MAGOHB: variants seen among roughly 807,000 people sequenced by gnomAD.
The protein encoded by MAGOHB is mago homolog B, exon junction complex subunit, also known as protein mago nashi homolog 2.
Under a neutral mutation model 20.9 loss-of-function variants are expected in MAGOHB, and 15 were observed. The observed-to-expected ratio is 0.72, with a 90% CI of 0.48 to 1.11. The LOEUF is 1.11. Among genes scored for constraint, MAGOHB ranks in the 50% least tolerant of loss-of-function variants. The pLI, the probability that MAGOHB is intolerant of heterozygous loss-of-function variation, is 0.00. For missense variants in MAGOHB, 162 were observed against 177.6 expected, an observed-to-expected ratio of 0.91 and a Z score of 0.50; for synonymous variants, 50 against 57.9, an observed-to-expected ratio of 0.86 and a Z score of 0.62.
At chr12:10,610,764 C>T in intron 1 of MAGOHB, 84 bp from the exon 2 acceptor site, 1 of 1,176,296 alleles carries the variant, frequency 8.5e-7, no homozygotes, top group Non-Finnish European at 1.2e-6. Context: ...AAGGTAAAGA[C>T]CATTTTATAC....
chr12:10,612,943 T>A, intron 1 of MAGOHB: 1 of 1,289,226 alleles, frequency 7.8e-7, no homozygotes, highest in Non-Finnish European at 1.0e-6. Context: ...TGTGGAACTT[T>A]ACCTCTCCCC....
At position 10,612,740 on chromosome 12, in the gene MAGOHB, G is replaced by C; in HGVS notation, c.94+699C>G. 3 of 1,183,406 alleles carry C rather than the reference G, an allele frequency of 2.5e-6. 1 individual carries two copies. The South Asian group carries it at 4.8e-5, about 19-fold the overall frequency. 73.3% of individuals were successfully genotyped at this position (1,183,406 alleles called of 1,614,324 possible). A position where few individuals can be genotyped will look rare whatever the true frequency, so the allele number is the denominator to read the frequency against. On this transcript the variant is annotated intron_variant, in intron 1 of 4. Transcript: ENST00000320756. Reference sequence around the variant, plus strand: ...GAACTTTCTTGTTGCAGGTAGGCAAGATCAATGTAACATTCTCTAAGGATA... The same window carrying C: ...GAACTTTCTTGTTGCAGGTAGGCAACATCAATGTAACATTCTCTAAGGATA...
Position 10,606,106 on chromosome 12 carries a change from G to A in MAGOHB, c.*169C>T. On this transcript the variant is annotated 3_prime_UTR_variant, in exon 5 of 5. Coordinates refer to ENST00000320756, the MANE Select transcript of MAGOHB (RefSeq NM_018048.5). ...TGTGTGGGGACTGTCCAACCCATAT[G>A]GACTCAAGTAAGGATAACCATTAAG... 1 of 475,188 alleles carries A rather than the reference G, an allele frequency of 2.1e-6. No individual in the cohort carries two copies. The allele number at this position is 475,188 out of a possible 1,614,324, so 29.4% of individuals were successfully genotyped here.
rs1456422200 is a variant in MAGOHB, at chr12:10,613,489, T to G, written c.44A>C (p.His15Pro). The G allele has an allele frequency of 6.2e-7, 1 of 1,614,050 alleles. No homozygotes were observed. Among genetic ancestry groups the G allele is most frequent in the Non-Finnish European group, 8.5e-7 (1 of 1,180,036 alleles). The stretch of plus-strand genomic sequence containing the variant: ...AAACTCGTGCCCAAACTTGCCCTTG[T>G]GCCCTACGTAGTAGCGCAGGTAGAA... ...SDFYLRYYVG[H>P]KGKFGHEFLE... The change falls in exon 1 of 5, where the codon CAC (histidine) becomes CCC (proline). Residue 15 changes from histidine (H) to proline (P), a missense_variant. Coordinates refer to ENST00000320756, the MANE Select transcript of MAGOHB (RefSeq NM_018048.5).
chr12:10,608,713 C>CTA (rs757243146), intron 3 of MAGOHB: 1 of 151,544 alleles, frequency 6.6e-6, no homozygotes, highest in African/African-American at 2.4e-5. Flanking sequence ...AATTAAAAAG[C>CTA]TATATCTGTA....
In MAGOHB at chr12:10,604,276, T is replaced by C. The variant is rs1055386857; in HGVS notation, c.*1999A>G. On this transcript the variant is annotated 3_prime_UTR_variant, in exon 5 of 5. Transcript: ENST00000320756. ...ATAAAAATCTAGTTTCATATAAAAC[T>C]AGTATTATACAAAATTCAGTTTCTA... 1.3e-5 allele frequency: 2 copies of C among 152,212 alleles called. No homozygotes were observed. Among genetic ancestry groups the C allele is most frequent in the African/African-American group, 2.4e-5 (1 of 41,446 alleles). The allele number at this position is 152,212 out of a possible 1,614,324, so 9.4% of individuals were successfully genotyped here. A position where few individuals can be genotyped will look rare whatever the true frequency, so the allele number is the denominator to read the frequency against.
At chr12:10,610,826 ATGTAGAC>A in intron 1 of MAGOHB, 146 bp from the exon 2 acceptor site, 1 of 53,516 alleles carries the variant, frequency 1.9e-5, no homozygotes, top group Non-Finnish European at 3.4e-5. Flanking sequence ...ATTGCTAGAC[ATGTAGAC>A]AATAAATGTT....
rs556727469 is a variant in MAGOHB, at chr12:10,604,834, A to G, written c.*1441T>C. The G allele has an allele frequency of 2.6e-5, 4 of 152,194 alleles. No individual in the cohort carries two copies. The highest frequency in any genetic ancestry group is 5.9e-5 in the Non-Finnish European group (4 of 68,034). The allele number at this position is 152,194 out of a possible 1,614,324, so 9.4% of individuals were successfully genotyped here. A position where few individuals can be genotyped will look rare whatever the true frequency, so the allele number is the denominator to read the frequency against. On this transcript the variant is annotated 3_prime_UTR_variant, in exon 5 of 5. Coordinates refer to ENST00000320756, the MANE Select transcript of MAGOHB (RefSeq NM_018048.5). Reference sequence around the variant, plus strand: ...CAATGGGCATGCATTTTGAGGAGTGAAAAGGACCATCTAGTGCTCCATGGC... The same window carrying G: ...CAATGGGCATGCATTTTGAGGAGTGGAAAGGACCATCTAGTGCTCCATGGC...
chr12:10,613,517 C>G lies in MAGOHB; in HGVS notation c.16G>C (p.Asp6His). ...CCTACGTAGTAGCGCAGGTAGAAATCGCTAGCCACAGCCATTTTTGTACCC... is the reference window on the plus strand; with the variant it reads ...CCTACGTAGTAGCGCAGGTAGAAATGGCTAGCCACAGCCATTTTTGTACCC... MAVAS[D>H]FYLRYYVGHK... Residue 6 changes from aspartate (D) to histidine (H), a missense_variant, in exon 1 of 5, where the codon GAT becomes CAT. Asp to His is a moderately conservative substitution (Grantham distance 81). Transcript: ENST00000320756. 1 of 1,613,912 alleles carries G rather than the reference C, an allele frequency of 6.2e-7. No individual in the cohort carries two copies. Among genetic ancestry groups the G allele is most frequent in the South Asian group, 1.1e-5 (1 of 91,078 alleles).
chr12:10,612,715 G>T (rs1424514686), intron 1 of MAGOHB: 1 of 1,160,204 alleles, frequency 8.6e-7, no homozygotes, highest in Non-Finnish European at 1.1e-6. Flanking sequence ...ATATCCAAAT[G>T]AACTTTCTTG....
At chr12:10,609,965 G>C in intron 2 of MAGOHB, 24 bp from the exon 3 acceptor site, 1 of 1,360,256 alleles carries the variant, frequency 7.4e-7, no homozygotes, top group Non-Finnish European at 1.0e-6. Context: ...ATAATAAAAT[G>C]AGATAATGCC....
intron 1 of MAGOHB, among the ~76,000 whole-genome samples, chr12:10,611,761 A>AG (rs1865744416): frequency 6.7e-6 from 1 of 148,978 alleles, no homozygotes; most frequent in East Asian, 1.9e-4. Context: ...AAAAAAAAAA[A>AG]AAAAAAAAAA....
At chr12:10,601,106 A>C (rs1311085222), downstream of MAGOHB, among the ~76,000 whole-genome samples, 1 of 152,144 alleles carries the variant, frequency 6.6e-6, no homozygotes, top group Non-Finnish European at 1.5e-5. Context: ...ATATCCCTTT[A>C]TCTCAATGCC....
intron 1 of MAGOHB, 144 bp from the exon 2 acceptor site, chr12:10,610,824 AC>A: frequency 1.9e-5 from 1 of 53,894 alleles, no homozygotes; most frequent in Non-Finnish European, 3.4e-5. Flanking sequence ...TCATTGCTAG[AC>A]ATGTAGACAA....
downstream of MAGOHB, among the ~76,000 whole-genome samples, chr12:10,603,353 TTC>T (rs528233408): frequency 1.6e-4 from 24 of 152,138 alleles, no homozygotes; most frequent in South Asian, 4.6e-3. Context: ...GCTTGAGATT[TTC>T]TGTTTCCCTA....
chr12:10,603,920 G>T (rs568807357), downstream of MAGOHB, among the ~76,000 whole-genome samples: 1 of 152,122 alleles, frequency 6.6e-6, no homozygotes, highest in African/African-American at 2.4e-5. Context: ...AAATCAAAAC[G>T]AAGTAGTCTA....
At chr12:10,612,660 T>A in intron 1 of MAGOHB, 1 of 1,141,064 alleles carries the variant, frequency 8.8e-7, no homozygotes, top group Non-Finnish European at 1.1e-6. Context: ...TGTATTTGCT[T>A]GTTGTCCAGC....
At position 10,613,497 on chromosome 12, in the gene MAGOHB, G is replaced by C. The variant is rs756403728; in HGVS notation, c.36C>G (p.Tyr12Ter). Residue 12 changes from tyrosine to a stop codon, truncating the protein, a stop_gained, in exon 1 of 5, where the codon TAC becomes TAG. Coordinates refer to ENST00000320756, the MANE Select transcript of MAGOHB (RefSeq NM_018048.5). LOFTEE classifies it high-confidence loss of function. The part of the protein sequence containing the change: ...AVASDFYLRY[Y>*]VGHKGKFGHE... ...GCCCAAACTTGCCCTTGTGCCCTAC[G>C]TAGTAGCGCAGGTAGAAATCGCTAG... The C allele has an allele frequency of 6.2e-7, 1 of 1,613,934 alleles. No homozygotes were observed.
Position 10,612,989 on chromosome 12 carries a change from C to G in MAGOHB, c.94+450G>C, listed in dbSNP as rs745406779. ...TACTCTTCATGCGTCCTATGGTGAA[C>G]AATTACACGTAAACACCTAAAACAT... On this transcript the variant is annotated intron_variant, in intron 1 of 4. Coordinates refer to ENST00000320756, the MANE Select transcript of MAGOHB (RefSeq NM_018048.5). 49 of 1,257,132 alleles carry G rather than the reference C, an allele frequency of 3.9e-5. No homozygotes were observed. In the Middle Eastern group the frequency reaches 1.9e-3, roughly 50 times the overall value. 77.9% of individuals were successfully genotyped at this position (1,257,132 alleles called of 1,614,324 possible). A position where few individuals can be genotyped will look rare whatever the true frequency, so the allele number is the denominator to read the frequency against.
Sources: allele counts gnomAD v4.1 joint callset (sites outside exome capture counted in the v4.1 genomes callset), GRCh38; gene constraint gnomAD v4.1.1; transcripts MANE v1.5; gene names NCBI Gene and HGNC (gene_info 2026-07-23, HGNC 2026-07-21).